Variants in CEP135 observed in about 807,000 individuals in gnomAD.
CEP135 encodes the protein centrosomal protein 135, also known as centrosomal protein of 135 kDa.
In CEP135, 142 loss-of-function variants were observed where a neutral mutation model predicts 157.3. That is an observed-to-expected ratio of 0.90 (90% CI 0.79 to 1.04). The LOEUF (loss-of-function observed/expected upper bound fraction) is 1.04. Among genes scored for constraint, CEP135 ranks in the 50% least tolerant of loss-of-function variants. The pLI is 0.00. For synonymous variants in CEP135, 396 were observed against 439.8 expected (o/e 0.90, Z 1.25); for missense variants, 1,317 against 1,309.2 (o/e 1.01, Z -0.09).
At chr4:55,957,868 T>C (rs911384697) in intron 5 of CEP135, among the ~76,000 whole-genome samples, 2 of 152,206 alleles carry the variant, frequency 1.3e-5, no homozygotes, top group African/African-American at 4.8e-5. Flanking sequence ...GTAAGTGTTC[T>C]GAGGATATAA....
rs1730510017 is a variant in CEP135, at chr4:56,009,892, A to G, written c.2494A>G (p.Arg832Gly). 1 of 1,613,178 alleles carries G rather than the reference A, an allele frequency of 6.2e-7. No individual in the cohort carries two copies. Among genetic ancestry groups the G allele is most frequent in the Non-Finnish European group, 8.5e-7 (1 of 1,179,820 alleles). ...RLQDDLATMA[R>G]ENQEISLELE... is the part of the protein sequence containing the mutation. The stretch of plus-strand genomic sequence containing the variant: ...GCAAGATGACCTGGCTACAATGGCA[A>G]GAGAAAATCAAGTATGAACACAAGG... Residue 832 changes from arginine to glycine, a missense_variant, in exon 19 of 26, where the codon AGA becomes GGA. Physicochemically the swap from Arg to Gly is moderately radical, Grantham distance 125 (BLOSUM62 -2). Coordinates refer to ENST00000257287, the MANE Select transcript of CEP135 (RefSeq NM_025009.5).
chr4:55,982,192 T>C (rs1251806803), intron 13 of CEP135, among the ~76,000 whole-genome samples: 2 of 152,192 alleles, frequency 1.3e-5, no homozygotes, highest in African/African-American at 4.8e-5. Context: ...TCATATAAAT[T>C]GAATCACTCG....
intron 15 of CEP135, among the ~76,000 whole-genome samples, chr4:55,997,297 TAA>T (rs768224943): frequency 6.6e-6 from 1 of 152,180 alleles, no homozygotes; most frequent in Non-Finnish European, 1.5e-5. Flanking sequence ...CCCTAGAATA[TAA>T]AAAGACGAAG....
intron 21 of CEP135, among the ~76,000 whole-genome samples, chr4:56,014,488 T>G (rs1411652188): frequency 6.6e-6 from 1 of 152,212 alleles, no homozygotes; most frequent in Non-Finnish European, 1.5e-5. Context: ...TATGAATGTT[T>G]CCTCTGGTGA....
intron 19 of CEP135, among the ~76,000 whole-genome samples, chr4:56,010,396 C>T (rs1335974649): frequency 1.4e-5 from 2 of 147,430 alleles, no homozygotes; most frequent in Non-Finnish European, 3.0e-5. Flanking sequence ...CAGCGTGAGA[C>T]TCTGTCAAAA....
In CEP135 at chr4:55,999,324, C is replaced by T. The variant is rs377176971; in HGVS notation, c.2032C>T (p.Arg678Trp). ...SLRIVNEQLQ[R>W]SVDDYQHRLS... ...TAGGATAGTGAATGAGCAGCTACAGCGGTCAGTTGATGACTATCAGCACCG... is the reference window on the plus strand; with the variant it reads ...TAGGATAGTGAATGAGCAGCTACAGTGGTCAGTTGATGACTATCAGCACCG... The change falls in exon 16 of 26, where the codon CGG (arginine) becomes TGG (tryptophan). Residue 678 changes from arginine (R) to tryptophan (W), a missense_variant. Physicochemically the swap from Arg to Trp is moderately radical, Grantham distance 101 (BLOSUM62 -3). Coordinates refer to ENST00000257287, the MANE Select transcript of CEP135 (RefSeq NM_025009.5). 46 of 1,613,854 alleles carry T rather than the reference C, an allele frequency of 2.9e-5. No individual in the cohort carries two copies. The East Asian group carries it at 6.9e-4, about 24-fold the overall frequency.
At chr4:56,008,945 T>TG (rs1268745682) in intron 18 of CEP135, among the ~76,000 whole-genome samples, 4 of 152,246 alleles carry the variant, frequency 2.6e-5, no homozygotes, top group African/African-American at 9.6e-5. Flanking sequence ...TCGCACAGGC[T>TG]GGAGTGTAGT....
chr4:56,023,794 TTTA>T (rs1217689673), intron 24 of CEP135, among the ~76,000 whole-genome samples: 1 of 141,522 alleles, frequency 7.1e-6, no homozygotes, highest in Non-Finnish European at 1.5e-5. Flanking sequence ...ATATAGTATA[TTTA>T]TATATTACAT....
chr4:56,006,456 A>G (rs1730348604), intron 17 of CEP135, among the ~76,000 whole-genome samples: 1 of 151,994 alleles, frequency 6.6e-6, no homozygotes, highest in Non-Finnish European at 1.5e-5. Flanking sequence ...TCTTTGTTAA[A>G]TTTCTCTGAT....
At chr4:55,957,403 G>A in intron 5 of CEP135, 39 bp downstream of exon 5, 1 of 1,590,510 alleles carries the variant, frequency 6.3e-7, no homozygotes, top group Non-Finnish European at 8.6e-7. Context: ...AGTTAATTGA[G>A]CACTCAATTA....
chr4:55,981,815 A>G (rs1157754068), intron 13 of CEP135, among the ~76,000 whole-genome samples: 2 of 152,186 alleles, frequency 1.3e-5, no homozygotes, highest in African/African-American at 2.4e-5. Context: ...TTGACTTACA[A>G]TGGGATTACA....
chr4:55,953,117 A>G lies in CEP135; in HGVS notation c.146A>G (p.Gln49Arg), dbSNP rs1728409124. The G allele has an allele frequency of 3.1e-6, 5 of 1,598,726 alleles. No individual in the cohort carries two copies. Among genetic ancestry groups the G allele is most frequent in the Non-Finnish European group, 4.3e-6 (5 of 1,175,788 alleles). Reference protein sequence around the residue: ...DLVHTTESLRQSKLSAVKAEK... With the variant: ...DLVHTTESLRRSKLSAVKAEK... Reference sequence around the variant, plus strand: ...GTTCATACAACTGAGAGCCTTCGGCAATCAAAATTATCTGCTGTGAAAGCT... The same window carrying G: ...GTTCATACAACTGAGAGCCTTCGGCGATCAAAATTATCTGCTGTGAAAGCT... The change falls in exon 3 of 26, where the codon CAA becomes CGA. Residue 49 changes from glutamine (Q) to arginine (R), a missense_variant. Physicochemically the swap from Gln to Arg is conservative, Grantham distance 43. Transcript: ENST00000257287.
At chr4:55,997,234 G>T (rs188484649) in intron 15 of CEP135, among the ~76,000 whole-genome samples, 3 of 152,104 alleles carry the variant, frequency 2.0e-5, no homozygotes, top group Admixed American at 2.0e-4. Context: ...AACTTTGGTC[G>T]GAAAAGTTAC....
At chr4:55,975,080 T>C in intron 11 of CEP135, 111 bp downstream of exon 11, 1 of 778,646 alleles carries the variant, frequency 1.3e-6, no homozygotes, top group Non-Finnish European at 2.0e-6. Flanking sequence ...AAAATCCTGA[T>C]TTTGATTCTT....
In CEP135 at chr4:55,973,539, G is replaced by C. The variant is rs773545594; in HGVS notation, c.1250-1207G>C. Among the ~76,000 whole-genome samples the C allele has an allele frequency of 2.0e-5, 3 of 152,070 alleles. No homozygotes were observed. In the South Asian group the frequency reaches 6.2e-4, roughly 32 times the overall value. On this transcript the variant is annotated intron_variant, in intron 10 of 25. Transcript: ENST00000257287. The stretch of plus-strand genomic sequence containing the variant: ...AGGAATGCCCCTCTTATAAAGGGCC[G>C]GTGGCTCCATGTATTCTCTGGGCCC...
intron 23 of CEP135, among the ~76,000 whole-genome samples, chr4:56,019,977 G>C (rs563560014): frequency 6.6e-6 from 1 of 152,244 alleles, no homozygotes; most frequent in African/African-American, 2.4e-5. Flanking sequence ...GCTGCTTTTG[G>C]AAATTTAGGA....
intron 19 of CEP135, among the ~76,000 whole-genome samples, chr4:56,011,138 A>G (rs1730568282): frequency 6.6e-6 from 1 of 152,046 alleles, no homozygotes; most frequent in African/African-American, 2.4e-5. Flanking sequence ...GGAGGGCTGA[A>G]GTGGAAGGAT....
chr4:55,958,222 C>T (rs1728563718), intron 5 of CEP135, among the ~76,000 whole-genome samples: 1 of 152,072 alleles, frequency 6.6e-6, no homozygotes, highest in Non-Finnish European at 1.5e-5. Flanking sequence ...ATCGCTTGAA[C>T]CCATGAATTC....
At position 55,957,211 on chromosome 4, in the gene CEP135, C is replaced by T. The variant is rs77889786; in HGVS notation, c.473-12C>T. ...TTTCTTCTTAGTTTTTTAAGACACT[C>T]ATTCTTTTTAGGTGGCAAGAAAAGA... On this transcript the variant is annotated splice_polypyrimidine_tract_variant and intron_variant, in intron 4 of 25. Transcript: ENST00000257287. The T allele has an allele frequency of 3.5e-4, 566 of 1,609,712 alleles. No individual in the cohort carries two copies. In the African/African-American group the frequency reaches 7.1e-3, roughly 20 times the overall value.
Sources: gnomAD v4.1 joint callset for allele counts (sites outside exome capture counted in the v4.1 genomes callset) on GRCh38, gnomAD v4.1.1 for gene constraint, MANE v1.5 for transcripts, NCBI Gene and HGNC (gene_info 2026-07-23, HGNC 2026-07-21) for gene names.